VWA3B: variants seen among roughly 807,000 people sequenced by gnomAD.
VWA3B encodes the protein von Willebrand factor A domain containing 3B, also known as von Willebrand factor A domain-containing protein 3B.
A neutral mutation model predicts 158.3 loss-of-function variants in VWA3B; 138 were observed. The observed-to-expected ratio is 0.87, with a 90% CI of 0.76 to 1.00. The LOEUF (loss-of-function observed/expected upper bound fraction) is 1.00, where lower values mean the gene tolerates loss of function less well. Among genes scored for constraint, VWA3B ranks in the 50% least tolerant of loss-of-function variants. The pLI, the probability that VWA3B is intolerant of heterozygous loss-of-function variation, is 0.00. For synonymous variants in VWA3B, 596 were observed against 587.3 expected, an observed-to-expected ratio of 1.01 and a Z score of -0.21; for missense variants, 1,555 against 1,565.1, an observed-to-expected ratio of 0.99 and a Z score of 0.11.
intron 7 of VWA3B, among the ~76,000 whole-genome samples, chr2:98,158,071 T>C (rs1558615017): frequency 6.6e-6 from 1 of 152,224 alleles, no homozygotes; most frequent in Non-Finnish European, 1.5e-5. Flanking sequence ...CATAGCCATG[T>C]GCTCAGATGA....
chr2:98,263,630 T>C (rs1449541580), intron 21 of VWA3B, among the ~76,000 whole-genome samples: 1 of 152,040 alleles, frequency 6.6e-6, no homozygotes, highest in Non-Finnish European at 1.5e-5. Flanking sequence ...TGCTGTTTAA[T>C]TCAGTTTGCT....
intron 23 of VWA3B, among the ~76,000 whole-genome samples, chr2:98,294,322 T>A (rs1018199077): frequency 6.6e-6 from 1 of 151,686 alleles, no homozygotes; most frequent in African/African-American, 2.4e-5. Flanking sequence ...TAAACATTTT[T>A]AGTAAAAAAA....
intron 12 of VWA3B, chr2:98,207,530 G>A (rs775745807): frequency 3.7e-5 from 19 of 520,138 alleles, no homozygotes; most frequent in Middle Eastern, 5.7e-4. Context: ...ATAATACAAC[G>A]TTTCTTGTCT....
At chr2:98,330,207 C>T in the VWA3B span, among the ~76,000 whole-genome samples, 1 of 152,166 alleles carries the variant, frequency 6.6e-6, no homozygotes, top group Non-Finnish European at 1.5e-5. Flanking sequence ...CATTTGCTTA[C>T]ACCCATTTCC....
chr2:98,135,283 C>CCAA (rs1449470514), intron 7 of VWA3B, among the ~76,000 whole-genome samples: 2 of 151,436 alleles, frequency 1.3e-5, no homozygotes, highest in Admixed American at 1.3e-4. Context: ...TACCATCTTA[C>CCAA]CAACCCTTTG....
chr2:98,127,214 C>G (rs534992274), intron 5 of VWA3B, among the ~76,000 whole-genome samples: 4 of 152,268 alleles, frequency 2.6e-5, no homozygotes, highest in African/African-American at 7.2e-5. Context: ...GATATGGATT[C>G]CTGGCTCTCC....
intron 12 of VWA3B, among the ~76,000 whole-genome samples, chr2:98,200,052 T>C (rs1186431868): frequency 6.6e-6 from 1 of 152,244 alleles, no homozygotes; most frequent in East Asian, 1.9e-4. Flanking sequence ...CATTCTAATA[T>C]GGCTGAAAGA....
chr2:98,312,955 G>A lies in VWA3B; in HGVS notation c.*606G>A, dbSNP rs969822363. 3 of 152,176 alleles carry A rather than the reference G, an allele frequency of 2.0e-5. No homozygotes were observed. Among genetic ancestry groups the A allele is most frequent in the Non-Finnish European group, 4.4e-5 (3 of 68,040 alleles). 9.4% of individuals were successfully genotyped at this position (152,176 alleles called of 1,614,324 possible). On this transcript the variant is annotated 3_prime_UTR_variant, in exon 28 of 28. Coordinates refer to ENST00000477737, the MANE Select transcript of VWA3B (RefSeq NM_144992.5). ...GGAAACATTTCAAAACCATTGGATT[G>A]TTGGATTATTTGTTACCATTTTTCT...
the VWA3B span, among the ~76,000 whole-genome samples, chr2:98,324,016 G>A: frequency 6.6e-6 from 1 of 152,188 alleles, no homozygotes; most frequent in Non-Finnish European, 1.5e-5. Context: ...AACTCTGAAT[G>A]AAGACTTACA....
chr2:98,330,299 G>A, the VWA3B span, among the ~76,000 whole-genome samples: 1 of 152,176 alleles, frequency 6.6e-6, no homozygotes, highest in African/African-American at 2.4e-5. Flanking sequence ...GATTTACTTG[G>A]AGGATGGTGG....
intron 8 of VWA3B, among the ~76,000 whole-genome samples, chr2:98,176,012 CT>C (rs1558636619): frequency 6.6e-6 from 1 of 152,200 alleles, no homozygotes; most frequent in Non-Finnish European, 1.5e-5. Flanking sequence ...AGACGAGCTT[CT>C]CTCTCACACC....
intron 22 of VWA3B, among the ~76,000 whole-genome samples, chr2:98,275,131 A>G (rs1420825938): frequency 6.6e-6 from 1 of 152,196 alleles, no homozygotes; most frequent in Non-Finnish European, 1.5e-5. Flanking sequence ...TAAGGGTGGG[A>G]CTTGGTTTGT....
At chr2:98,180,134 C>A in intron 8 of VWA3B, among the ~76,000 whole-genome samples, 1 of 149,532 alleles carries the variant, frequency 6.7e-6, no homozygotes, top group African/African-American at 2.5e-5. Flanking sequence ...CTCCTCCCTC[C>A]CTCCCTCCCT....
chr2:98,312,045 G>T lies in VWA3B; in HGVS notation c.3735+13G>T, dbSNP rs572566249. ...CCCCGAGCCCAGGGTTTGGGTGATG[G>T]GGGGGGAACACAACATCGCTTATCT... On this transcript the variant is annotated intron_variant, in intron 27 of 27. Coordinates refer to ENST00000477737, the MANE Select transcript of VWA3B (RefSeq NM_144992.5). 1.6e-4 allele frequency: 253 copies of T among 1,591,524 alleles called. No individual in the cohort carries two copies. The Middle Eastern group carries it at 1.7e-3, about 10-fold the overall frequency.
chr2:98,270,891 C>T lies in VWA3B; in HGVS notation c.3045+8C>T. 1 of 1,612,928 alleles carries T rather than the reference C, an allele frequency of 6.2e-7. No homozygotes were observed. The highest frequency in any genetic ancestry group is 8.5e-7 in the Non-Finnish European group (1 of 1,179,366). ...AACAAGGCCCCGGGAGAGGTGGGTGCCCTGGAGGTCTCTGTCTTTCCTCCC... is the reference window on the plus strand; with the variant it reads ...AACAAGGCCCCGGGAGAGGTGGGTGTCCTGGAGGTCTCTGTCTTTCCTCCC... On this transcript the variant is annotated splice_region_variant and intron_variant, in intron 22 of 27. Transcript: ENST00000477737.
At position 98,119,658 on chromosome 2, in the gene VWA3B, T is replaced by G. The variant is rs368141461; in HGVS notation, c.437T>G (p.Leu146Arg). ...VILEQCVTIV[L>R]DFGGILEGEL... is the part of the protein sequence containing the mutation. ...TTGGAACAGTGCGTCACCATAGTGC[T>G]GGATTTTGGCGGCATTCTGGAGGGG... Residue 146 changes from leucine to arginine, a missense_variant, in exon 4 of 28, where the codon CTG becomes CGG. Leu to Arg is a moderately radical substitution (Grantham distance 102). Coordinates refer to ENST00000477737, the MANE Select transcript of VWA3B (RefSeq NM_144992.5). The G allele has an allele frequency of 6.2e-7, 1 of 1,614,174 alleles. No homozygotes were observed. Among genetic ancestry groups the G allele is most frequent in the East Asian group, 2.2e-5 (1 of 44,876 alleles).
chr2:98,328,128 C>T, the VWA3B span, among the ~76,000 whole-genome samples: 2 of 152,178 alleles, frequency 1.3e-5, no homozygotes, highest in Non-Finnish European at 2.9e-5. Context: ...CCAAGTGCCA[C>T]CCAATAAAGT....
At chr2:98,153,166 A>G (rs1677772890) in intron 7 of VWA3B, among the ~76,000 whole-genome samples, 1 of 152,152 alleles carries the variant, frequency 6.6e-6, no homozygotes, top group South Asian at 2.1e-4. Context: ...CTCATTGTTT[A>G]GAACTATCAA....
At chr2:98,298,416 T>TG (rs1689958351) in intron 24 of VWA3B, among the ~76,000 whole-genome samples, 1 of 151,090 alleles carries the variant, frequency 6.6e-6, no homozygotes, top group Non-Finnish European at 1.5e-5. Flanking sequence ...TCTATTCTAT[T>TG]CTATTCTATT....
Sources: allele counts gnomAD v4.1 joint callset (sites outside exome capture counted in the v4.1 genomes callset), GRCh38; gene constraint gnomAD v4.1.1; transcripts MANE v1.5; gene names NCBI Gene and HGNC (gene_info 2026-07-23, HGNC 2026-07-21).